The following SLC24A2 variants were observed in gnomAD, a reference collection of about 807,000 sequenced individuals.
The protein encoded by SLC24A2 is sodium/potassium/calcium exchanger 2.
A neutral mutation model predicts 62.0 loss-of-function variants in SLC24A2; 36 were observed. The ratio of observed to expected loss-of-function variants is 0.58; its 90% CI spans 0.44 to 0.77. SLC24A2 has a LOEUF of 0.77. Among genes scored for constraint, SLC24A2 ranks in the 30% least tolerant of loss-of-function variants. The pLI is 0.00. For synonymous variants in SLC24A2, 358 were observed against 294.0 expected (o/e 1.22, Z -2.23); for missense variants, 846 against 817.9 (o/e 1.03, Z -0.42).
the SLC24A2 span, among the ~76,000 whole-genome samples, chr9:19,985,279 G>C: frequency 6.6e-6 from 1 of 152,026 alleles, no homozygotes; most frequent in African/African-American, 2.4e-5. Context: ...CCATAAAAAG[G>C]CCTATTATGA....
At chr9:20,289,056 T>C in the SLC24A2 span, among the ~76,000 whole-genome samples, 1 of 152,040 alleles carries the variant, frequency 6.6e-6, no homozygotes, top group Non-Finnish European at 1.5e-5. Context: ...GATAATTCAG[T>C]CACCCCAGCT....
At chr9:19,615,833 G>T (rs1817753495) in intron 4 of SLC24A2, among the ~76,000 whole-genome samples, 1 of 152,104 alleles carries the variant, frequency 6.6e-6, no homozygotes, top group Non-Finnish European at 1.5e-5. Context: ...AGACAACCTA[G>T]ATTCACTTTC....
chr9:20,111,855 A>C, the SLC24A2 span, among the ~76,000 whole-genome samples: 2 of 152,214 alleles, frequency 1.3e-5, no homozygotes, highest in Non-Finnish European at 2.9e-5. Context: ...AAGATTAAAA[A>C]AAATCTAAAA....
At chr9:20,165,093 C>T in the SLC24A2 span, among the ~76,000 whole-genome samples, 1 of 151,330 alleles carries the variant, frequency 6.6e-6, no homozygotes, top group Non-Finnish European at 1.5e-5. Flanking sequence ...ATGTAACTAA[C>T]CTGCACATTG....
chr9:19,869,407 C>G, the SLC24A2 span, among the ~76,000 whole-genome samples: 41 of 152,148 alleles, frequency 2.7e-4, no homozygotes, highest in African/African-American at 9.2e-4. Context: ...ATTCGTTTTT[C>G]TCTTGCTCCT....
the SLC24A2 span, among the ~76,000 whole-genome samples, chr9:19,925,904 G>T: frequency 6.6e-6 from 1 of 152,180 alleles, no homozygotes; most frequent in Admixed American, 6.5e-5. Context: ...GAAATTGCTA[G>T]GGGCTGGGGA....
the SLC24A2 span, among the ~76,000 whole-genome samples, chr9:19,964,821 C>G: frequency 2.6e-5 from 4 of 152,230 alleles, no homozygotes; most frequent in Non-Finnish European, 4.4e-5. Flanking sequence ...TGTAGCATGT[C>G]TGACTTCCAG....
At chr9:20,172,535 G>A in the SLC24A2 span, among the ~76,000 whole-genome samples, 1 of 152,020 alleles carries the variant, frequency 6.6e-6, no homozygotes, top group South Asian at 2.1e-4. Flanking sequence ...TGACACCACA[G>A]AAATACAAAA....
chr9:19,934,200 CA>C, the SLC24A2 span, among the ~76,000 whole-genome samples: 1 of 152,198 alleles, frequency 6.6e-6, no homozygotes, highest in Non-Finnish European at 1.5e-5. This position sits in a 1 kb window ranked among gnomAD's most constrained non-coding sequence, Gnocchi z 4.1. Context: ...ATGACGCCTA[CA>C]GCCTGGCTCT....
chr9:19,984,618 A>C, the SLC24A2 span, among the ~76,000 whole-genome samples: 11 of 152,194 alleles, frequency 7.2e-5, no homozygotes, highest in African/African-American at 2.7e-4. Context: ...AGGCAGGAGA[A>C]TCTCTGGAAC....
the SLC24A2 span, among the ~76,000 whole-genome samples, chr9:20,089,747 G>A: frequency 6.7e-6 from 1 of 148,418 alleles, no homozygotes; most frequent in African/African-American, 2.5e-5. Flanking sequence ...TTTGGCCTGA[G>A]GGATACACCT....
At chr9:19,637,022 A>C (rs967380952) in intron 2 of SLC24A2, among the ~76,000 whole-genome samples, 4 of 152,256 alleles carry the variant, frequency 2.6e-5, no homozygotes, top group Non-Finnish European at 5.9e-5. Context: ...CAGCATCCAA[A>C]GGGTATGTAT....
the SLC24A2 span, among the ~76,000 whole-genome samples, chr9:19,906,894 G>T: frequency 6.6e-6 from 1 of 152,086 alleles, no homozygotes; most frequent in South Asian, 2.1e-4. Flanking sequence ...TTCTACCAGA[G>T]GTACAAGGAG....
the SLC24A2 span, among the ~76,000 whole-genome samples, chr9:20,026,932 G>C: frequency 3.9e-5 from 6 of 151,944 alleles, no homozygotes; most frequent in Non-Finnish European, 8.8e-5. Context: ...TCTGACCAAG[G>C]GTTGATGTCC....
chr9:19,534,687 C>T (rs1024179594), intron 8 of SLC24A2, among the ~76,000 whole-genome samples: 5 of 152,202 alleles, frequency 3.3e-5, no homozygotes, highest in African/African-American at 7.2e-5. Flanking sequence ...AGGACATGAA[C>T]TCATCCTTTT....
At chr9:20,046,418 T>C in the SLC24A2 span, among the ~76,000 whole-genome samples, 3 of 152,238 alleles carry the variant, frequency 2.0e-5, no homozygotes, top group Non-Finnish European at 4.4e-5. Flanking sequence ...TTCCTCCAGA[T>C]TGGCAATGCC....
At position 19,786,149 on chromosome 9, in the gene SLC24A2, G is replaced by A; in HGVS notation, c.718C>T (p.Arg240Ter). ...ILNLTWWPLF[R>*]DVSFYIVDLI... is the part of the protein sequence containing the mutation. ...TCAACAATGTAGAAAGACACATCTC[G>A]AAAGAGCGGCCACCATGTCAGGTTT... The change falls in exon 2 of 11, where the codon CGA (arginine) becomes TGA (stop). Residue 240 changes from arginine to a stop codon, truncating the protein, a stop_gained. Coordinates refer to ENST00000341998, the MANE Select transcript of SLC24A2 (RefSeq NM_020344.4). LOFTEE classifies it high-confidence loss of function. This position sits in a 1 kb window ranked among gnomAD's most constrained non-coding sequence, Gnocchi z 5.0. The A allele has an allele frequency of 1.9e-6, 3 of 1,614,138 alleles. No homozygotes were observed. The highest frequency in any genetic ancestry group is 1.7e-6 in the Non-Finnish European group (2 of 1,180,028).
At chr9:19,945,525 G>A in the SLC24A2 span, among the ~76,000 whole-genome samples, 2 of 152,134 alleles carry the variant, frequency 1.3e-5, no homozygotes, top group Non-Finnish European at 2.9e-5. Context: ...AAGTGAAAAG[G>A]GGTAATTCTC....
the SLC24A2 span, among the ~76,000 whole-genome samples, chr9:20,106,284 T>C: frequency 3.9e-5 from 6 of 152,208 alleles, no homozygotes; most frequent in African/African-American, 9.6e-5. Context: ...GAGGAGCCAG[T>C]ACCATTCCTT....
Sources: gnomAD v4.1 joint callset for allele counts (sites outside exome capture counted in the v4.1 genomes callset) on GRCh38, gnomAD v4.1.1 for gene constraint, Gnocchi (gnomAD v3.1) non-coding constraint, MANE v1.5 for transcripts, NCBI Gene and HGNC (gene_info 2026-07-23, HGNC 2026-07-21) for gene names.